Variants in CDH15 observed in about 807,000 individuals in gnomAD.
CDH15 encodes cadherin-15.
A neutral mutation model predicts 69.4 loss-of-function variants in CDH15; 73 were observed. That is an observed-to-expected ratio of 1.05 (90% confidence interval 0.87 to 1.28). The LOEUF is 1.28. Ranked by LOEUF, CDH15 falls within the 50% of genes most tolerant of loss-of-function variation. The pLI is 0.00. For synonymous variants in CDH15, 624 were observed against 507.7 expected, an observed-to-expected ratio of 1.23 and a Z score of -3.08; for missense variants, 1,343 against 1,133.6, an observed-to-expected ratio of 1.18 and a Z score of -2.65.
At chr16:89,185,362 C>T in intron 5 of CDH15, 29 bp downstream of exon 5, 1 of 1,572,934 alleles carries the variant, frequency 6.4e-7, no homozygotes, top group Non-Finnish European at 8.6e-7. Flanking sequence ...AGCTCCACAC[C>T]CGCACGGCCA....
intron 7 of CDH15, 120 bp from the exon 8 acceptor site, chr16:89,190,123 G>A (rs1246395607): frequency 1.7e-6 from 2 of 1,192,290 alleles, no homozygotes; most frequent in East Asian, 2.6e-5. Context: ...AGGTTAAAAA[G>A]GGGCAGAAGG....
chr16:89,187,601 C>T lies in CDH15; in HGVS notation c.792+44C>T, dbSNP rs1388906768. ...CCTCGAAAGTAGCCCCTGCTTAGAG[C>T]TGCCTTCCCTTCTTGGGCTCCTGCA... On this transcript the variant is annotated intron_variant, in intron 6 of 13. Coordinates refer to ENST00000289746, the MANE Select transcript of CDH15 (RefSeq NM_004933.3). 2.5e-6 allele frequency: 4 copies of T among 1,611,026 alleles called. No individual in the cohort carries two copies. The Admixed American group carries it at 6.7e-5, about 27-fold the overall frequency.
intron 1 of CDH15, among the ~76,000 whole-genome samples, chr16:89,173,668 C>T (rs1915202325): frequency 6.6e-6 from 1 of 152,204 alleles, no homozygotes; most frequent in Admixed American, 6.5e-5. Context: ...CCTTGGGGTC[C>T]TGGGCCGCCT....
rs1478447162 is a variant in CDH15, at chr16:89,193,527, GGCT to G, written c.1919_1921del (p.Leu640del). Reference sequence around the variant, plus strand: ...TTCTGGAAGCAGTCTCGGGGCAAGGGGCTGCTGCACGGCCCCCAGGACGACCTT... The same window carrying G: ...TTCTGGAAGCAGTCTCGGGGCAAGGGGCTGCACGGCCCCCAGGACGACCTT... On this transcript the variant is annotated inframe_deletion, in exon 12 of 14. Coordinates refer to ENST00000289746, the MANE Select transcript of CDH15 (RefSeq NM_004933.3). 1 of 1,612,132 alleles carries G rather than the reference GGCT, an allele frequency of 6.2e-7. No individual in the cohort carries two copies. The highest frequency in any genetic ancestry group is 8.5e-7 in the Non-Finnish European group (1 of 1,179,784).
intron 8 of CDH15, 51 bp from the exon 9 acceptor site, chr16:89,191,279 G>A (rs760074056): frequency 1.2e-6 from 2 of 1,611,230 alleles, no homozygotes; most frequent in South Asian, 2.2e-5. Context: ...GACCACACCT[G>A]TGGGGCCCTG....
chr16:89,177,282 G>A (rs138011679), intron 1 of CDH15, among the ~76,000 whole-genome samples: 4 of 152,292 alleles, frequency 2.6e-5, no homozygotes, highest in Non-Finnish European at 5.9e-5. Context: ...GGCTGTGAGC[G>A]CTGGGCATGT....
At chr16:89,188,477 C>T (rs534870268) in intron 7 of CDH15, among the ~76,000 whole-genome samples, 192 bp downstream of exon 7, 14 of 140,320 alleles carry the variant, frequency 1.0e-4, no homozygotes, top group Middle Eastern at 4.0e-3. Flanking sequence ...TGCCCACACA[C>T]AGATGCCGGC....
intron 1 of CDH15, among the ~76,000 whole-genome samples, chr16:89,173,386 G>A (rs1964192543): frequency 6.6e-6 from 1 of 152,148 alleles, no homozygotes; most frequent in Non-Finnish European, 1.5e-5. Flanking sequence ...AGGGGGCTCT[G>A]TGGCAGGTGG....
At chr16:89,179,274 C>G (rs1294297401) in intron 1 of CDH15, 142 bp from the exon 2 acceptor site, 4 of 921,096 alleles carry the variant, frequency 4.3e-6, no homozygotes, top group Non-Finnish European at 5.0e-6. Context: ...GTGGAAGCCG[C>G]CTTGCGCCAA....
At chr16:89,174,326 T>G (rs1005132028) in intron 1 of CDH15, among the ~76,000 whole-genome samples, 34 of 151,944 alleles carry the variant, frequency 2.2e-4, no homozygotes, top group African/African-American at 7.3e-4. Context: ...CTGAGAAGCT[T>G]GAGGGGCCTT....
Position 89,191,490 on chromosome 16 carries a change from C to A in CDH15, c.1375+18C>A. ...GGATGACGGTGAGCGGCGCCGCCGG[C>A]TTGGGGCTCCCTGACCTGGCCTTGT... On this transcript the variant is annotated intron_variant, in intron 9 of 13. Transcript: ENST00000289746. 2 of 1,610,912 alleles carry A rather than the reference C, an allele frequency of 1.2e-6. No homozygotes were observed. Among genetic ancestry groups the A allele is most frequent in the Non-Finnish European group, 1.7e-6 (2 of 1,179,648 alleles).
chr16:89,189,105 ATGCCCACGCACAGG>A (rs1171151073), intron 7 of CDH15, among the ~76,000 whole-genome samples: 98 of 140,608 alleles, frequency 7.0e-4, no homozygotes, highest in East Asian at 5.6e-3. Flanking sequence ...CCACACACAG[ATGCCCACGCACAGG>A]TGCCCACACA....
At chr16:89,187,168 C>G (rs1325212553) in intron 5 of CDH15, among the ~76,000 whole-genome samples, 1 of 152,192 alleles carries the variant, frequency 6.6e-6, no homozygotes, top group South Asian at 2.1e-4. Flanking sequence ...ACCCAGCGCA[C>G]AGTAGGTGCT....
At chr16:89,185,692 C>T (rs1915468494) in intron 5 of CDH15, 1 of 362,900 alleles carries the variant, frequency 2.8e-6, no homozygotes, top group Non-Finnish European at 5.3e-6. Flanking sequence ...GACTTCGGTG[C>T]TCCCGGAAGA....
chr16:89,188,560 CGGCA>C, intron 7 of CDH15, among the ~76,000 whole-genome samples: 1 of 133,192 alleles, frequency 7.5e-6, no homozygotes, highest in East Asian at 2.4e-4. Context: ...ACACAGATGC[CGGCA>C]CACACACATG....
intron 6 of CDH15, 92 bp downstream of exon 6, chr16:89,187,649 G>C: frequency 6.5e-7 from 1 of 1,548,232 alleles, no homozygotes; most frequent in East Asian, 2.3e-5. Flanking sequence ...CTTCATGATG[G>C]GGCAGGAGGA....
chr16:89,174,695 G>A (rs545316194), intron 1 of CDH15, among the ~76,000 whole-genome samples: 127 of 152,310 alleles, frequency 8.3e-4, no homozygotes, highest in African/African-American at 2.7e-3. Context: ...CTTGGCTAAG[G>A]GTCCAGTCGA....
intron 7 of CDH15, among the ~76,000 whole-genome samples, 163 bp from the exon 8 acceptor site, chr16:89,190,080 G>A (rs979031299): frequency 2.0e-5 from 3 of 152,250 alleles, no homozygotes; most frequent in Admixed American, 6.5e-5. Flanking sequence ...AATATTCTTT[G>A]TGCCTTCTTG....
At chr16:89,194,328 CTG>C (rs1326668161) in intron 13 of CDH15, among the ~76,000 whole-genome samples, 1 of 152,206 alleles carries the variant, frequency 6.6e-6, no homozygotes, top group East Asian at 1.9e-4. Flanking sequence ...CACGGGGAAT[CTG>C]GGGTGTGGGG....
Sources: gnomAD v4.1 joint callset for allele counts (sites outside exome capture counted in the v4.1 genomes callset) on GRCh38, gnomAD v4.1.1 for gene constraint, MANE v1.5 for transcripts, NCBI Gene and HGNC (gene_info 2026-07-23, HGNC 2026-07-21) for gene names.